Variants in PDE7A observed in about 807,000 individuals in gnomAD.
PDE7A encodes high affinity 3',5'-cyclic-AMP phosphodiesterase 7A.
Under a neutral mutation model 64.3 loss-of-function variants are expected in PDE7A, and 39 were observed. That is an observed-to-expected ratio of 0.61 (90% CI 0.47 to 0.79). The LOEUF (loss-of-function observed/expected upper bound fraction) is 0.79. Among genes scored for constraint, PDE7A ranks in the 30% least tolerant of loss-of-function variants. The probability of loss-of-function intolerance (pLI) is 0.00; values close to 1 mark genes in which losing one functional copy is unlikely to be tolerated. For synonymous variants in PDE7A, 203 were observed against 206.8 expected (o/e 0.98, Z 0.16); for missense variants, 470 against 582.8 (o/e 0.81, Z 1.99).
rs776556726 is a variant in PDE7A at position 65,723,604 on chromosome 8, AT to A, written c.1179del (p.Lys393AsnfsTer6). 3.1e-5 allele frequency: 49 copies of A among 1,571,420 alleles called. No homozygotes were observed. The highest frequency in any genetic ancestry group is 1.7e-4 in the Admixed American group (9 of 52,020). ...CAAAGTGGACTCACACCCAAATGAT[AT>A]TTTTTTTCTATATCTCCTATAAATT... is the stretch of plus-strand genomic sequence containing the variant. ...EFFHQGDIEK[K>X]YHLGVSPLCD... On this transcript the variant is annotated frameshift_variant, in exon 12 of 13. Coordinates refer to ENST00000401827, the MANE Select transcript of PDE7A (RefSeq NM_001242318.3). LOFTEE classifies it high-confidence loss of function.
chr8:65,740,106 T>G (rs1252043591), intron 5 of PDE7A, among the ~76,000 whole-genome samples: 1 of 129,214 alleles, frequency 7.7e-6, no homozygotes, highest in Non-Finnish European at 1.6e-5. Flanking sequence ...TCATCAGGAT[T>G]AAAAACTCTG....
Position 65,755,018 on chromosome 8 carries a change from T to C in PDE7A, c.284-7215A>G, listed in dbSNP as rs1585876495. ...CATCATTGCCTGTTTATTTTTTTTT[T>C]CACTTATTTTTTTTTTTTTTGAGAC... On this transcript the variant is annotated intron_variant, in intron 3 of 12. Coordinates refer to ENST00000401827, the MANE Select transcript of PDE7A (RefSeq NM_001242318.3). Among the ~76,000 whole-genome samples the C allele has an allele frequency of 2.0e-5, 3 of 147,920 alleles. No homozygotes were observed. The Admixed American group carries it at 2.1e-4, about 10-fold the overall frequency.
intron 1 of PDE7A, among the ~76,000 whole-genome samples, chr8:65,793,484 TAAAA>T (rs11339152): frequency 7.3e-6 from 1 of 137,824 alleles, no homozygotes; most frequent in African/African-American, 2.6e-5. Flanking sequence ...TAAAGTTTCC[TAAAA>T]AAAAAAAAAA....
In PDE7A at chr8:65,841,377, G is replaced by C. The variant is rs556163054; in HGVS notation, c.132C>G (p.Leu44=). 9.0e-6 allele frequency: 14 copies of C among 1,557,096 alleles called. No homozygotes were observed. In the East Asian group the frequency reaches 3.1e-4, roughly 34 times the overall value. Residue 44 remains leucine (L), a synonymous_variant, in exon 1 of 13, where the codon CTC becomes CTG. Transcript: ENST00000401827. ...GCCCGGCGGCGGCGATTACCTGAGA[G>C]AGCTGCCGGGGATTGGGGCAGCCGA... The part of the protein sequence containing the change: ...ALFGCPNPRQ[L]SQRRGAISYD...
chr8:65,826,744 G>A (rs998253377), intron 1 of PDE7A, among the ~76,000 whole-genome samples: 2 of 152,198 alleles, frequency 1.3e-5, no homozygotes, highest in East Asian at 1.9e-4. Context: ...ACCACAAATC[G>A]GGTGGCTTAA....
intron 1 of PDE7A, among the ~76,000 whole-genome samples, chr8:65,804,828 C>T (rs1044739612): frequency 2.0e-5 from 3 of 149,604 alleles, no homozygotes; most frequent in Admixed American, 6.6e-5. Flanking sequence ...CATAAGCCAC[C>T]GTGCCCAGCC....
At chr8:65,797,979 C>G (rs1216666271) in intron 1 of PDE7A, among the ~76,000 whole-genome samples, 1 of 147,908 alleles carries the variant, frequency 6.8e-6, no homozygotes, top group South Asian at 2.1e-4. Context: ...ACACCAATCA[C>G]AAAAGGAAAA....
intron 1 of PDE7A, among the ~76,000 whole-genome samples, chr8:65,819,116 G>T (rs1810480127): frequency 6.6e-6 from 1 of 152,220 alleles, no homozygotes; most frequent in Non-Finnish European, 1.5e-5. Flanking sequence ...GTAATGTAAG[G>T]GTGGGTGTAA....
intron 1 of PDE7A, among the ~76,000 whole-genome samples, chr8:65,794,128 A>C (rs1809774190): frequency 6.6e-6 from 1 of 152,232 alleles, no homozygotes. Flanking sequence ...TTGTACTAGT[A>C]ATCTGAAAAT....
chr8:65,752,257 T>G (rs1808004787), intron 3 of PDE7A, among the ~76,000 whole-genome samples: 1 of 152,336 alleles, frequency 6.6e-6, no homozygotes, highest in East Asian at 1.9e-4. Flanking sequence ...CTGTAGAAAC[T>G]GAATATACTC....
intron 3 of PDE7A, among the ~76,000 whole-genome samples, chr8:65,756,891 ATTGT>A (rs1306437538): frequency 1.3e-5 from 2 of 151,854 alleles, no homozygotes; most frequent in African/African-American, 2.4e-5. Flanking sequence ...CTCCTCCAGG[ATTGT>A]TTATTTTTAA....
chr8:65,747,615 C>A, intron 4 of PDE7A, 37 bp downstream of exon 4: 2 of 1,417,710 alleles, frequency 1.4e-6, no homozygotes, highest in South Asian at 1.3e-5. Context: ...GTAAACTTAT[C>A]AAAAAATTAA....
chr8:65,795,458 G>C (rs569634343), intron 1 of PDE7A, among the ~76,000 whole-genome samples: 1 of 152,278 alleles, frequency 6.6e-6, no homozygotes, highest in East Asian at 1.9e-4. Flanking sequence ...TTGAATCTTT[G>C]GCTGAATACT....
chr8:65,800,103 A>G (rs945660508), intron 1 of PDE7A, among the ~76,000 whole-genome samples: 8 of 152,214 alleles, frequency 5.3e-5, no homozygotes, highest in Non-Finnish European at 8.8e-5. Context: ...CTTTCCTTAT[A>G]GAAACTAAAA....
intron 1 of PDE7A, among the ~76,000 whole-genome samples, chr8:65,801,643 A>T (rs1255444236): frequency 1.3e-5 from 2 of 152,200 alleles, no homozygotes; most frequent in African/African-American, 4.8e-5. Context: ...GTAAATAAAT[A>T]AATAGAAGTA....
At chr8:65,723,012 G>C (rs937063680) in intron 12 of PDE7A, 1 of 152,454 alleles carries the variant, frequency 6.6e-6, no homozygotes, top group African/African-American at 2.4e-5. Flanking sequence ...AGGCAAATGA[G>C]AGGGAAGTTG....
chr8:65,755,503 T>A (rs1808185402), intron 3 of PDE7A, among the ~76,000 whole-genome samples: 1 of 152,240 alleles, frequency 6.6e-6, no homozygotes, highest in Admixed American at 6.5e-5. Flanking sequence ...ATTTCAATAG[T>A]ATACAAACAC....
intron 1 of PDE7A, among the ~76,000 whole-genome samples, chr8:65,813,856 A>C (rs1011559565): frequency 6.6e-6 from 1 of 152,108 alleles, no homozygotes; most frequent in Non-Finnish European, 1.5e-5. Flanking sequence ...TATATCATCA[A>C]CCTTGATAAT....
chr8:65,730,872 A>G (rs1019749338), intron 7 of PDE7A, among the ~76,000 whole-genome samples: 2 of 152,166 alleles, frequency 1.3e-5, no homozygotes, highest in African/African-American at 4.8e-5. Context: ...GCAGTGAGCT[A>G]AGATTGTGCC....
Sources: allele counts gnomAD v4.1 joint callset (sites outside exome capture counted in the v4.1 genomes callset), GRCh38; gene constraint gnomAD v4.1.1; transcripts MANE v1.5; gene names NCBI Gene and HGNC (gene_info 2026-07-23, HGNC 2026-07-21).